ZNRF1: variants seen among roughly 807,000 people sequenced by gnomAD.
ZNRF1 encodes the protein E3 ubiquitin-protein ligase ZNRF1.
ZNRF1 carries 3 observed loss-of-function variants against 18.4 expected under a neutral mutation model. That is an observed-to-expected ratio of 0.16 (90% CI 0.07 to 0.42). ZNRF1 has a LOEUF of 0.42. Among genes scored for constraint, ZNRF1 ranks in the 10% least tolerant of loss-of-function variants. The pLI is 0.99. For missense variants in ZNRF1, 310 were observed against 329.8 expected, an observed-to-expected ratio of 0.94 and a Z score of 0.47; for synonymous variants, 157 against 144.2, an observed-to-expected ratio of 1.09 and a Z score of -0.64.
intron 1 of ZNRF1, among the ~76,000 whole-genome samples, chr16:75,028,015 C>T (rs1156255089): frequency 6.6e-6 from 1 of 152,160 alleles, no homozygotes; most frequent in Admixed American, 6.6e-5. Flanking sequence ...TGTATATCTG[C>T]CTTTTCCCCC....
chr16:75,022,689 C>T (rs80209364), intron 1 of ZNRF1, among the ~76,000 whole-genome samples: 3 of 152,178 alleles, frequency 2.0e-5, no homozygotes, highest in Non-Finnish European at 2.9e-5. Flanking sequence ...TTTCAGTGCT[C>T]GGTAACCACA....
intron 1 of ZNRF1, among the ~76,000 whole-genome samples, chr16:75,013,799 T>C (rs2035030568): frequency 1.3e-5 from 2 of 152,272 alleles, no homozygotes; most frequent in South Asian, 2.1e-4. Context: ...CTTTGGTGTC[T>C]TGGAATTATT....
Position 75,010,711 on chromosome 16 carries a change from G to GTTTTTTTTTT in ZNRF1, c.424+10623_424+10624insTTTTTTTTTT, listed in dbSNP as rs67210395. ...CCTCTGTACTGTACTGTTTTTTTTT[G>GTTTTTTTTTT]TTTTTTTGTTTTTTTTTTTTTGAGG... On this transcript the variant is annotated intron_variant, in intron 1 of 4. Coordinates refer to ENST00000335325, the MANE Select transcript of ZNRF1 (RefSeq NM_032268.5). Among the ~76,000 whole-genome samples, 197 of 74,294 alleles carry GTTTTTTTTTT rather than the reference G, an allele frequency of 2.7e-3. 8 individuals carry two copies. The highest frequency in any genetic ancestry group is 5.7e-3 in the African/African-American group (147 of 25,762). The allele number at this position is 74,294 out of a possible 152,430, so 48.7% of individuals were successfully genotyped here. A position where few individuals can be genotyped will look rare whatever the true frequency, so the allele number is the denominator to read the frequency against.
At chr16:75,104,071 T>C (rs2036284685) in intron 2 of ZNRF1, 1 of 152,196 alleles carries the variant, frequency 6.6e-6, no homozygotes, top group Non-Finnish European at 1.5e-5. Context: ...AATACTGATC[T>C]CCTTTCCCTC....
intron 1 of ZNRF1, among the ~76,000 whole-genome samples, chr16:75,041,227 C>T (rs2035443367): frequency 6.6e-6 from 1 of 152,192 alleles, no homozygotes; most frequent in Non-Finnish European, 1.5e-5. Flanking sequence ...TTGAGAGTTC[C>T]AGTTTTGCCA....
At chr16:75,077,481 A>G (rs756799531) in intron 1 of ZNRF1, among the ~76,000 whole-genome samples, 1 of 152,218 alleles carries the variant, frequency 6.6e-6, no homozygotes, top group Non-Finnish European at 1.5e-5. Context: ...GCGGTGAGCC[A>G]AGACCGCACC....
chr16:75,102,929 C>T (rs2036270115), intron 2 of ZNRF1, among the ~76,000 whole-genome samples: 1 of 152,242 alleles, frequency 6.6e-6, no homozygotes, highest in Admixed American at 6.5e-5. Context: ...CACAGCAGAA[C>T]ACAAGGCTGT....
At chr16:75,066,595 C>T (rs1436866409) in intron 1 of ZNRF1, among the ~76,000 whole-genome samples, 9 of 152,172 alleles carry the variant, frequency 5.9e-5, no homozygotes, top group Admixed American at 2.6e-4. Context: ...CTCCACTTTC[C>T]GGGTTCAAGC....
chr16:75,027,943 T>G (rs537166532), intron 1 of ZNRF1, among the ~76,000 whole-genome samples: 2 of 152,342 alleles, frequency 1.3e-5, no homozygotes, highest in African/African-American at 2.4e-5. Context: ...TAGCCTTTGT[T>G]GATGACCTTC....
chr16:75,040,598 G>GTTTTTTTTT (rs61513153), intron 1 of ZNRF1, among the ~76,000 whole-genome samples: 9 of 46,356 alleles, frequency 1.9e-4, no homozygotes, highest in East Asian at 8.4e-4. Flanking sequence ...TTTTTTGTGG[G>GTTTTTTTTT]TTTTTTTTTT....
intron 1 of ZNRF1, among the ~76,000 whole-genome samples, chr16:75,017,084 A>C (rs1452624456): frequency 1.3e-5 from 2 of 152,198 alleles, no homozygotes; most frequent in East Asian, 1.9e-4. Context: ...TTGCACAAAC[A>C]ATAACATTTC....
rs567142116 is a variant in ZNRF1, at chr16:75,068,011, T to TA, written c.425-25555dup. 1.0e-3 allele frequency among the ~76,000 whole-genome samples: 159 copies of TA among 152,118 alleles called. 2 individuals carry two copies. Among genetic ancestry groups the TA allele is most frequent in the African/African-American group, 3.6e-3 (150 of 41,518 alleles). On this transcript the variant is annotated intron_variant, in intron 1 of 4. Coordinates refer to ENST00000335325, the MANE Select transcript of ZNRF1 (RefSeq NM_032268.5). ...AATATCCTATAATTCACTGCAGTTT[T>TA]AAAAAACTATTATTATAAAAACTTT...
At chr16:75,011,088 C>T (rs1196223970) in intron 1 of ZNRF1, among the ~76,000 whole-genome samples, 3 of 152,156 alleles carry the variant, frequency 2.0e-5, no homozygotes, top group African/African-American at 4.8e-5. Flanking sequence ...GGTCATTTTG[C>T]ACATACTTCT....
intron 1 of ZNRF1, among the ~76,000 whole-genome samples, chr16:75,077,867 C>G (rs1250922481): frequency 1.3e-5 from 2 of 152,342 alleles, no homozygotes; most frequent in East Asian, 3.9e-4. Context: ...CTGTCTGCTT[C>G]CATAGTCATG....
intron 1 of ZNRF1, among the ~76,000 whole-genome samples, chr16:75,060,595 C>G (rs1046722302): frequency 6.6e-6 from 1 of 150,880 alleles, no homozygotes; most frequent in Admixed American, 6.6e-5. Context: ...TCTCCTGCCT[C>G]CCTCCCAAGT....
At chr16:75,041,829 A>AT (rs1472874813) in intron 1 of ZNRF1, among the ~76,000 whole-genome samples, 35 of 149,232 alleles carry the variant, frequency 2.3e-4, no homozygotes, top group African/African-American at 7.2e-4. Flanking sequence ...CTAAAAAAAA[A>AT]AATATATATA....
chr16:75,104,691 A>T, intron 2 of ZNRF1, 93 bp from the exon 3 acceptor site: 2 of 1,108,248 alleles, frequency 1.8e-6, no homozygotes, highest in Non-Finnish European at 2.6e-6. Flanking sequence ...TGGGGCAGCT[A>T]AGCAGTCCCC....
At chr16:75,076,393 C>G (rs1184279112) in intron 1 of ZNRF1, among the ~76,000 whole-genome samples, 1 of 152,076 alleles carries the variant, frequency 6.6e-6, no homozygotes, top group Non-Finnish European at 1.5e-5. Context: ...GGGACACATT[C>G]GCTAGACAGC....
At chr16:75,001,948 A>T (rs1451388877) in intron 1 of ZNRF1, among the ~76,000 whole-genome samples, 1 of 152,160 alleles carries the variant, frequency 6.6e-6, no homozygotes, top group Admixed American at 6.6e-5. Flanking sequence ...AGGTTGGAGC[A>T]TATTAATCCT....
Sources: gnomAD v4.1 joint callset for allele counts (sites outside exome capture counted in the v4.1 genomes callset) on GRCh38, gnomAD v4.1.1 for gene constraint, MANE v1.5 for transcripts, NCBI Gene and HGNC (gene_info 2026-07-23, HGNC 2026-07-21) for gene names.